Variants in TTC12 observed in about 807,000 individuals in gnomAD.
TTC12 encodes the protein tetratricopeptide repeat protein 12.
TTC12 carries 70 observed loss-of-function variants against 90.1 expected under a neutral mutation model. The observed-to-expected ratio is 0.78, with a 90% confidence interval of 0.64 to 0.95. The LOEUF is 0.95. TTC12 is among the 40% of genes least tolerant of loss of function. TTC12 has a pLI of 0.00. For synonymous variants in TTC12, 296 were observed against 311.5 expected (o/e 0.95, Z 0.53); for missense variants, 819 against 846.1 (o/e 0.97, Z 0.40).
At chr11:113,369,417 GC>G (rs1189442685), downstream of TTC12, among the ~76,000 whole-genome samples, 2 of 59,390 alleles carry the variant, frequency 3.4e-5, no homozygotes, top group African/African-American at 7.0e-5. Context: ...CACCATGCCC[GC>G]CCCCCCACCC....
At chr11:113,329,572 C>G (rs1591538034) in intron 6 of TTC12, 1 of 470,982 alleles carries the variant, frequency 2.1e-6, no homozygotes, top group African/African-American at 2.0e-5. Context: ...TCATGTCAGG[C>G]AGTTCTTTTC....
chr11:113,340,651 G>T lies in TTC12; in HGVS notation c.827-13G>T. Reference sequence around the variant, plus strand: ...TTGGGAGTCTGAAGTGGTTTTCTTTGTATCTGTTTCAGGCACAGAACAAAC... The same window carrying T: ...TTGGGAGTCTGAAGTGGTTTTCTTTTTATCTGTTTCAGGCACAGAACAAAC... On this transcript the variant is annotated splice_polypyrimidine_tract_variant and intron_variant, in intron 10 of 21. Transcript: ENST00000529221. 6.2e-7 allele frequency: 1 copy of T among 1,612,440 alleles called. No individual in the cohort carries two copies. Among genetic ancestry groups the T allele is most frequent in the South Asian group, 1.1e-5 (1 of 91,032 alleles).
At chr11:113,350,280 G>T (rs1555149670) in intron 14 of TTC12, 115 bp downstream of exon 14, 16 of 786,848 alleles carry the variant, frequency 2.0e-5, no homozygotes, top group Non-Finnish European at 3.3e-5. Context: ...AGTGAGTATT[G>T]CAAGATTCAC....
intron 11 of TTC12, 197 bp from the exon 12 acceptor site, chr11:113,341,640 T>C: frequency 1.7e-6 from 1 of 575,868 alleles, no homozygotes. Flanking sequence ...TGTGCAGCCC[T>C]GGCTTCCTCA....
In TTC12 at chr11:113,359,946, G is replaced by A; in HGVS notation, c.1552G>A (p.Ala518Thr). The change falls in exon 18 of 22, where the codon GCT becomes ACT. Residue 518 changes from alanine to threonine, a missense_variant. By Grantham distance (58) the Ala-to-Thr change is moderately conservative (BLOSUM62 0). Coordinates refer to ENST00000529221, the MANE Select transcript of TTC12 (RefSeq NM_017868.4). ...LQAPFVSEVW[A>T]VEVSRRCLSL... is the part of the protein sequence containing the mutation. ...CCTCTCCCCATTGTTGTAGGTTTGG[G>A]CTGTGGAGGTGAGCAGAAGGTGCCT... The A allele has an allele frequency of 6.3e-7, 1 of 1,595,678 alleles. No individual in the cohort carries two copies. Among genetic ancestry groups the A allele is most frequent in the Admixed American group, 1.8e-5 (1 of 56,904 alleles).
At chr11:113,364,713 C>T in intron 20 of TTC12, 122 bp from the exon 21 acceptor site, 1 of 727,362 alleles carries the variant, frequency 1.4e-6, no homozygotes, top group Admixed American at 2.2e-5. Context: ...ACAAGTTCTG[C>T]TGCAGAGTTA....
At chr11:113,365,271 G>GAATC in intron 21 of TTC12, among the ~76,000 whole-genome samples, 1 of 152,156 alleles carries the variant, frequency 6.6e-6, no homozygotes, top group African/African-American at 2.4e-5. Flanking sequence ...ACCAGAGAGG[G>GAATC]AATCGGCTTG....
chr11:113,365,457 C>A (rs1950157528), intron 21 of TTC12: 1 of 230,668 alleles, frequency 4.3e-6, no homozygotes, highest in African/African-American at 2.2e-5. Flanking sequence ...ACAGACCCCC[C>A]ACTTCATGTT....
chr11:113,344,565 T>C, intron 13 of TTC12, 125 bp downstream of exon 13: 2 of 1,005,506 alleles, frequency 2.0e-6, no homozygotes, highest in Non-Finnish European at 2.9e-6. Context: ...AAAGAGCCTT[T>C]GACAAGAGTG....
At chr11:113,339,540 C>T in intron 10 of TTC12, 66 bp downstream of exon 10, 2 of 1,405,216 alleles carry the variant, frequency 1.4e-6, no homozygotes, top group Non-Finnish European at 1.9e-6. Context: ...CAGAGGTCTG[C>T]CTTTACCAGG....
rs188398948 is a variant in TTC12, at chr11:113,350,428, A to G, written c.1247+263A>G. ...AAAGCAGTGCCTCTCACAGTAGGCA[A>G]GCCTCCCAAGTGTCAGGAACCTTCC... On this transcript the variant is annotated intron_variant, in intron 14 of 21. Transcript: ENST00000529221. 2.0e-3 allele frequency among the ~76,000 whole-genome samples: 311 copies of G among 152,284 alleles called. 1 individual carries two copies. Among genetic ancestry groups the G allele is most frequent in the Middle Eastern group, 3.4e-3 (1 of 294 alleles).
rs530732565 is a variant in TTC12 at position 113,356,207 on chromosome 11, T to G, written c.1447-3156T>G. ...CAATATGTGTAATCCCTTCTTTGTC[T>G]TTTTTGGTCTTTGTTGGTTTAAAGC... On this transcript the variant is annotated intron_variant, in intron 16 of 21. Transcript: ENST00000529221. 3.9e-5 allele frequency among the ~76,000 whole-genome samples: 6 copies of G among 152,228 alleles called. No individual in the cohort carries two copies. In the South Asian group the frequency reaches 1.0e-3, roughly 26 times the overall value.
intron 16 of TTC12, among the ~76,000 whole-genome samples, chr11:113,358,922 G>T (rs562232303): frequency 6.6e-6 from 1 of 152,114 alleles, no homozygotes; most frequent in South Asian, 2.1e-4. Flanking sequence ...CTCCCTTTCT[G>T]CCCTGCTTCT....
At chr11:113,325,214 G>T (rs1375331017) in intron 5 of TTC12, among the ~76,000 whole-genome samples, 3 of 152,066 alleles carry the variant, frequency 2.0e-5, no homozygotes, top group African/African-American at 7.2e-5. Context: ...TTAATTATTT[G>T]ACCCTCTTTA....
In TTC12 at chr11:113,339,395, G is replaced by C; in HGVS notation, c.747G>C (p.Leu249=). The C allele has an allele frequency of 6.2e-7, 1 of 1,613,976 alleles. No individual in the cohort carries two copies. The highest frequency in any genetic ancestry group is 8.5e-7 in the Non-Finnish European group (1 of 1,179,992). ...CAGCCGTGACCACCAAGAACCTCCT[G>C]GAGACCCTTTCCAAGCCTGACCAGA... ...KNTAVTTKNL[L]ETLSKPDQIP... Residue 249 remains leucine, a synonymous_variant, in exon 10 of 22, where the codon CTG becomes CTC. Coordinates refer to ENST00000529221, the MANE Select transcript of TTC12 (RefSeq NM_017868.4).
At chr11:113,358,693 C>A (rs1257738037) in intron 16 of TTC12, among the ~76,000 whole-genome samples, 2 of 152,198 alleles carry the variant, frequency 1.3e-5, no homozygotes, top group Non-Finnish European at 2.9e-5. Context: ...CTGGGCTCCA[C>A]ATCAACTGGC....
intron 1 of TTC12, chr11:113,314,910 C>G (rs1259551444): frequency 2.0e-5 from 3 of 152,330 alleles, no homozygotes; most frequent in Admixed American, 1.3e-4. Flanking sequence ...CGCAGCCCTA[C>G]CGAGTGAAGC....
intron 14 of TTC12, among the ~76,000 whole-genome samples, chr11:113,350,871 G>A (rs1464733980): frequency 6.6e-6 from 1 of 152,230 alleles, no homozygotes; most frequent in East Asian, 1.9e-4. Flanking sequence ...CCTCCCAGTG[G>A]CTCCGATGGG....
chr11:113,329,250 T>A (rs1947878673), intron 6 of TTC12, among the ~76,000 whole-genome samples: 1 of 152,224 alleles, frequency 6.6e-6, no homozygotes, highest in Non-Finnish European at 1.5e-5. Flanking sequence ...ACCAGCAGTG[T>A]ATGAGAGCTC....
Sources: gnomAD v4.1 joint callset for allele counts (sites outside exome capture counted in the v4.1 genomes callset) on GRCh38, gnomAD v4.1.1 for gene constraint, MANE v1.5 for transcripts, NCBI Gene and HGNC (gene_info 2026-07-23, HGNC 2026-07-21) for gene names.